The following CINP variants were observed in gnomAD, a reference collection of about 807,000 sequenced individuals.
CINP encodes the protein cyclin dependent kinase 2 interacting protein, also known as cyclin-dependent kinase 2-interacting protein.
CINP carries 11 observed loss-of-function variants against 20.5 expected under a neutral mutation model. The ratio of observed to expected loss-of-function variants is 0.54; its 90% CI spans 0.34 to 0.89. CINP has a LOEUF of 0.89. Ranked by LOEUF, CINP falls within the 40% of genes least tolerant of loss-of-function variation. The pLI is 0.02. For missense variants in CINP, 213 were observed against 251.0 expected (o/e 0.85, Z 1.02); for synonymous variants, 108 against 102.1 (o/e 1.06, Z -0.35).
chr14:102,362,874 A>C lies in CINP; in HGVS notation c.-23T>G, dbSNP rs769196970. The C allele has an allele frequency of 5.0e-6, 8 of 1,613,844 alleles. No individual in the cohort carries two copies. The highest frequency in any genetic ancestry group is 6.8e-6 in the Non-Finnish European group (8 of 1,179,902). On this transcript the variant is annotated 5_prime_UTR_variant, in exon 1 of 5. Coordinates refer to ENST00000216756, the MANE Select transcript of CINP (RefSeq NM_032630.3). The stretch of plus-strand genomic sequence containing the variant: ...CATAAGGTCCACAGATATCCGTAGA[A>C]GGAGACGCGAAGCCCCGCCCACCCC...
At chr14:102,353,931 T>C (rs1161661153) in intron 3 of CINP, among the ~76,000 whole-genome samples, 1 of 151,940 alleles carries the variant, frequency 6.6e-6, no homozygotes, top group Non-Finnish European at 1.5e-5. Flanking sequence ...TACAAACGAA[T>C]TTTAAAAATT....
chr14:102,360,671 T>G (rs1887119980), intron 1 of CINP, among the ~76,000 whole-genome samples: 1 of 152,228 alleles, frequency 6.6e-6, no homozygotes, highest in Non-Finnish European at 1.5e-5. Context: ...TATGTGAAGC[T>G]GTGAGGCCTC....
At chr14:102,358,638 G>A (rs993931964) in intron 2 of CINP, among the ~76,000 whole-genome samples, 10 of 152,012 alleles carry the variant, frequency 6.6e-5, no homozygotes, top group South Asian at 2.1e-4. Context: ...CCAAGATCAC[G>A]CCATTGCACT....
At chr14:102,359,611 AATT>A (rs767820135) in intron 1 of CINP, 24 bp from the exon 2 acceptor site, 2 of 1,565,370 alleles carry the variant, frequency 1.3e-6, no homozygotes, top group Admixed American at 3.6e-5. Flanking sequence ...AAAGAAACAA[AATT>A]ATTATCATGG....
intron 3 of CINP, among the ~76,000 whole-genome samples, chr14:102,353,302 G>A (rs1886914800): frequency 6.6e-6 from 1 of 152,282 alleles, no homozygotes; most frequent in East Asian, 1.9e-4. Flanking sequence ...GCACAGCGTG[G>A]GAGGAGGAGA....
intron 3 of CINP, 96 bp downstream of exon 3, chr14:102,355,669 GAGA>G: frequency 2.2e-6 from 3 of 1,353,394 alleles, no homozygotes; most frequent in Non-Finnish European, 3.1e-6. Context: ...AGAGGAGACT[GAGA>G]AGGAGTAAGT....
At position 102,354,789 on chromosome 14, in the gene CINP, G is replaced by A. The variant is rs570209198; in HGVS notation, c.306+979C>T. ...AAAAACAAAAACAAAAACAAAAAAG[G>A]CCAGGTGCGGTGACTCACGCCTGTA... On this transcript the variant is annotated intron_variant, in intron 3 of 4. Coordinates refer to ENST00000216756, the MANE Select transcript of CINP (RefSeq NM_032630.3). Among the ~76,000 whole-genome samples, 511 of 151,796 alleles carry A rather than the reference G, an allele frequency of 3.4e-3. 2 individuals carry two copies. The highest frequency in any genetic ancestry group is 4.9e-3 in the Non-Finnish European group (335 of 67,926).
intron 1 of CINP, among the ~76,000 whole-genome samples, chr14:102,361,393 A>G (rs1442462005): frequency 1.3e-5 from 2 of 152,336 alleles, no homozygotes; most frequent in East Asian, 3.9e-4. Context: ...TAATCCCAGC[A>G]CTTCAGGAGG....
chr14:102,349,934 G>T lies in CINP; in HGVS notation c.421C>A (p.Pro141Thr). ...AACTACTTACAGAAATGGGTTGTAG[G>T]CCACGTGTGGAACAGAGGGGGTCGT... ...SKRPPLFHTW[P>T]TTHFYEVSHK... is the part of the protein sequence containing the mutation. Residue 141 changes from proline to threonine, a missense_variant, in exon 4 of 5, where the codon CCT becomes ACT. Coordinates refer to ENST00000216756, the MANE Select transcript of CINP (RefSeq NM_032630.3). 1 of 1,613,802 alleles carries T rather than the reference G, an allele frequency of 6.2e-7. No homozygotes were observed. Among genetic ancestry groups the T allele is most frequent in the Non-Finnish European group, 8.5e-7 (1 of 1,179,922 alleles).
rs918061068 is a variant in CINP, at chr14:102,348,381, G to A, written c.*176C>T. On this transcript the variant is annotated 3_prime_UTR_variant, in exon 5 of 5. Coordinates refer to ENST00000216756, the MANE Select transcript of CINP (RefSeq NM_032630.3). ...TGAGCAGCACCACGTGGGGCTGGCC[G>A]CGGGTTGTGGGCATGAGCACGCCTG... 1.1e-4 allele frequency: 64 copies of A among 608,172 alleles called. 1 individual carries two copies. The East Asian group carries it at 1.3e-3, about 12-fold the overall frequency. The allele number at this position is 608,172 out of a possible 1,614,324, so 37.7% of individuals were successfully genotyped here. A position where few individuals can be genotyped will look rare whatever the true frequency, so the allele number is the denominator to read the frequency against.
At chr14:102,362,638 A>T (rs1019176997) in intron 1 of CINP, 3 of 721,324 alleles carry the variant, frequency 4.2e-6, no homozygotes, top group Non-Finnish European at 5.1e-6. Context: ...GTCACTGCAC[A>T]TGTGAAAAAA....
At chr14:102,359,235 T>A (rs997903160) in intron 2 of CINP, among the ~76,000 whole-genome samples, 184 bp downstream of exon 2, 6 of 125,810 alleles carry the variant, frequency 4.8e-5, no homozygotes, top group Non-Finnish European at 1.1e-4. Context: ...TAAATATATA[T>A]ATATATATAT....
chr14:102,352,160 C>T (rs936227480), intron 3 of CINP, among the ~76,000 whole-genome samples: 3 of 152,104 alleles, frequency 2.0e-5, no homozygotes, highest in Non-Finnish European at 4.4e-5. Context: ...TGTTGGGATT[C>T]CAGGCGTGAG....
chr14:102,355,581 G>T lies in CINP; in HGVS notation c.306+187C>A, dbSNP rs878963984. On this transcript the variant is annotated intron_variant, in intron 3 of 4. Coordinates refer to ENST00000216756, the MANE Select transcript of CINP (RefSeq NM_032630.3). ...AGTGGGTGACATTTCCCCGGATGAC[G>T]CACAGGAGGAGTGAGTGTCTAAGAC... 5 of 572,782 alleles carry T rather than the reference G, an allele frequency of 8.7e-6. No individual in the cohort carries two copies. In the East Asian group the frequency reaches 1.2e-4, roughly 14 times the overall value. The allele number at this position is 572,782 out of a possible 1,614,324, so 35.5% of individuals were successfully genotyped here. A position where few individuals can be genotyped will look rare whatever the true frequency, so the allele number is the denominator to read the frequency against.
intron 3 of CINP, among the ~76,000 whole-genome samples, chr14:102,353,444 G>A (rs1337750323): frequency 6.6e-6 from 1 of 152,156 alleles, no homozygotes; most frequent in African/African-American, 2.4e-5. Flanking sequence ...GGAGGCTGAG[G>A]TGGGAGCACT....
At chr14:102,352,651 T>C (rs796489733) in intron 3 of CINP, 6 of 422,920 alleles carry the variant, frequency 1.4e-5, no homozygotes, top group African/African-American at 1.2e-4. Flanking sequence ...CCAAACCACT[T>C]TTCTTTTTCT....
At chr14:102,349,447 A>G (rs1886817881) in intron 4 of CINP, among the ~76,000 whole-genome samples, 1 of 152,158 alleles carries the variant, frequency 6.6e-6, no homozygotes, top group South Asian at 2.1e-4. Flanking sequence ...ATAAAAGCTA[A>G]AAGTAACCCT....
intron 3 of CINP, among the ~76,000 whole-genome samples, chr14:102,354,278 G>A (rs1165822944): frequency 6.6e-6 from 1 of 152,114 alleles, no homozygotes; most frequent in Non-Finnish European, 1.5e-5. Flanking sequence ...AGTCTCTTAC[G>A]TGCTGTATCA....
chr14:102,352,273 A>C (rs1378374489), intron 3 of CINP: 2 of 250,614 alleles, frequency 8.0e-6, no homozygotes, highest in African/African-American at 2.3e-5. Context: ...AGAAAAGCTG[A>C]TAACAGGAGA....
Sources: allele counts gnomAD v4.1 joint callset (sites outside exome capture counted in the v4.1 genomes callset), GRCh38; gene constraint gnomAD v4.1.1; transcripts MANE v1.5; gene names NCBI Gene and HGNC (gene_info 2026-07-23, HGNC 2026-07-21).